Variants in KIAA1328 observed in about 807,000 individuals in gnomAD.
KIAA1328 encodes the protein protein hinderin.
KIAA1328 carries 52 observed loss-of-function variants against 68.1 expected under a neutral mutation model. That is an observed-to-expected ratio of 0.76 (90% CI 0.61 to 0.96). The LOEUF is 0.96. Among genes scored for constraint, KIAA1328 ranks in the 40% least tolerant of loss-of-function variants. KIAA1328 has a pLI of 0.00. For synonymous variants in KIAA1328, 232 were observed against 239.4 expected (o/e 0.97, Z 0.28); for missense variants, 641 against 677.6 (o/e 0.95, Z 0.60).
chr18:36,898,197 T>C (rs1279200359), intron 5 of KIAA1328, among the ~76,000 whole-genome samples: 7 of 152,058 alleles, frequency 4.6e-5, no homozygotes, highest in African/African-American at 1.7e-4. Context: ...ATTTCAGATG[T>C]TATCTTCTAT....
At chr18:37,214,996 G>T (rs939128760) in intron 9 of KIAA1328, among the ~76,000 whole-genome samples, 3 of 152,188 alleles carry the variant, frequency 2.0e-5, no homozygotes, top group Admixed American at 2.0e-4. Flanking sequence ...TTTGCACATT[G>T]ATTTTGTATC....
intron 4 of KIAA1328, among the ~76,000 whole-genome samples, chr18:36,860,689 C>G (rs978941403): frequency 1.3e-5 from 2 of 152,066 alleles, no homozygotes; most frequent in Non-Finnish European, 2.9e-5. Context: ...TGTCACTGCT[C>G]TTTGTAATAT....
intron 9 of KIAA1328, among the ~76,000 whole-genome samples, chr18:37,211,655 G>T (rs548443904): frequency 2.4e-4 from 37 of 152,244 alleles, no homozygotes; most frequent in Non-Finnish European, 4.0e-4. Context: ...AAGGTAATTT[G>T]CTATTGTATA....
At chr18:36,844,916 G>T (rs1421873480) in intron 4 of KIAA1328, among the ~76,000 whole-genome samples, 1 of 151,750 alleles carries the variant, frequency 6.6e-6, no homozygotes, top group South Asian at 2.1e-4. Flanking sequence ...AATTGTAAAA[G>T]TTAAATTTAC....
chr18:37,033,624 T>G (rs919963799), intron 6 of KIAA1328, among the ~76,000 whole-genome samples: 2 of 152,230 alleles, frequency 1.3e-5, no homozygotes, highest in African/African-American at 4.8e-5. Context: ...AACAATTTTC[T>G]AAACAGTTTG....
intron 6 of KIAA1328, among the ~76,000 whole-genome samples, chr18:36,989,921 C>T (rs774943884): frequency 1.2e-4 from 19 of 152,132 alleles, no homozygotes; most frequent in Admixed American, 1.3e-4. Context: ...TCTCGATCTC[C>T]TGACCTTGGG....
At chr18:36,989,385 C>G (rs1486517821) in intron 6 of KIAA1328, among the ~76,000 whole-genome samples, 1 of 152,174 alleles carries the variant, frequency 6.6e-6, no homozygotes, top group Admixed American at 6.5e-5. Flanking sequence ...CATCAGAATT[C>G]CTGCGTAAAC....
intron 5 of KIAA1328, among the ~76,000 whole-genome samples, chr18:36,895,305 T>A (rs1046676159): frequency 6.6e-6 from 1 of 152,186 alleles, no homozygotes; most frequent in African/African-American, 2.4e-5. Context: ...AGCATTTCAA[T>A]GACATTTTAG....
intron 6 of KIAA1328, among the ~76,000 whole-genome samples, chr18:36,964,742 G>A (rs1178851990): frequency 6.6e-6 from 1 of 152,058 alleles, no homozygotes; most frequent in African/African-American, 2.4e-5. Context: ...GTGTTTATTT[G>A]ATGTGTGTAT....
intron 4 of KIAA1328, among the ~76,000 whole-genome samples, chr18:36,869,130 A>T (rs1266779490): frequency 2.0e-5 from 3 of 151,274 alleles, no homozygotes; most frequent in African/African-American, 7.3e-5. Flanking sequence ...ACTGTTTATA[A>T]TGGATTACAT....
At chr18:36,831,993 A>G (rs753516996) in intron 1 of KIAA1328, among the ~76,000 whole-genome samples, 22 of 152,230 alleles carry the variant, frequency 1.4e-4, no homozygotes, top group Non-Finnish European at 2.1e-4. Flanking sequence ...TACTATTTAT[A>G]TAGCATGTAC....
At chr18:37,136,113 T>A (rs557666453) in intron 7 of KIAA1328, among the ~76,000 whole-genome samples, 13 of 152,200 alleles carry the variant, frequency 8.5e-5, no homozygotes, top group African/African-American at 1.2e-4. Flanking sequence ...TGCATCCTTG[T>A]ACCACACTTT....
chr18:36,847,862 A>C (rs1414179283), intron 4 of KIAA1328, among the ~76,000 whole-genome samples: 2 of 151,660 alleles, frequency 1.3e-5, no homozygotes, highest in Non-Finnish European at 3.0e-5. Context: ...TTCCTACAGA[A>C]TTACCTTAGC....
intron 5 of KIAA1328, among the ~76,000 whole-genome samples, chr18:36,908,487 G>A (rs949070550): frequency 2.0e-5 from 3 of 152,002 alleles, no homozygotes; most frequent in Admixed American, 6.6e-5. Flanking sequence ...CTACAGTTGC[G>A]TGTCACCACA....
chr18:37,229,151 A>T (rs1320065544), downstream of KIAA1328, among the ~76,000 whole-genome samples: 2 of 152,026 alleles, frequency 1.3e-5, no homozygotes, highest in African/African-American at 4.8e-5. Flanking sequence ...AAGGATGAAA[A>T]CCCAGACCGT....
rs1489945647 is a variant in KIAA1328, at chr18:36,959,440, G to A, written c.576+5G>A. 6.2e-7 allele frequency: 1 copy of A among 1,605,046 alleles called. No homozygotes were observed. The highest frequency in any genetic ancestry group is 8.5e-7 in the Non-Finnish European group (1 of 1,176,986). ...GCTAGAATGCAGGAACAGCAGGTAA[G>A]CATCTTTAATTTTACTTTTCTTGTC... On this transcript the variant is annotated splice_donor_5th_base_variant and intron_variant, in intron 6 of 9. Transcript: ENST00000280020.
At chr18:37,010,270 C>T (rs749822161) in intron 6 of KIAA1328, among the ~76,000 whole-genome samples, 1 of 151,654 alleles carries the variant, frequency 6.6e-6, no homozygotes, top group African/African-American at 2.4e-5. Flanking sequence ...TGGTGAAACC[C>T]CATCTCTACT....
rs1374160333 is a variant in KIAA1328, at chr18:36,950,856, A to G, written c.449-8452A>G. Among the ~76,000 whole-genome samples, 3 of 152,158 alleles carry G rather than the reference A, an allele frequency of 2.0e-5. No homozygotes were observed. The East Asian group carries it at 5.8e-4, about 29-fold the overall frequency. On this transcript the variant is annotated intron_variant, in intron 5 of 9. Transcript: ENST00000280020. ...ACCCGAGGATGATCCTGAATAAAAC[A>G]TCTCTCTTTTGTAAAGCTTCTCTCC...
chr18:36,960,057 A>C (rs1383857723), intron 6 of KIAA1328, among the ~76,000 whole-genome samples: 1 of 152,148 alleles, frequency 6.6e-6, no homozygotes, highest in Non-Finnish European at 1.5e-5. Context: ...TTCCTAGCCA[A>C]GGGAAGCCAT....
Sources: gnomAD v4.1 joint callset for allele counts (sites outside exome capture counted in the v4.1 genomes callset) on GRCh38, gnomAD v4.1.1 for gene constraint, MANE v1.5 for transcripts, NCBI Gene and HGNC (gene_info 2026-07-23, HGNC 2026-07-21) for gene names.